Variants in CD300LB observed in about 807,000 individuals in gnomAD.
CD300LB encodes the protein CD300 molecule like family member b, also known as CMRF35-like molecule 7.
A neutral mutation model predicts 20.8 loss-of-function variants in CD300LB; 18 were observed. The ratio of observed to expected loss-of-function variants is 0.87; its 90% CI spans 0.60 to 1.28. The LOEUF (loss-of-function observed/expected upper bound fraction) is 1.28, where lower values mean the gene tolerates loss of function less well. Ranked by LOEUF, CD300LB falls within the 50% of genes most tolerant of loss-of-function variation. The pLI, the probability that CD300LB is intolerant of heterozygous loss-of-function variation, is 0.00. For missense variants in CD300LB, 222 were observed against 251.8 expected (o/e 0.88, Z 0.80); for synonymous variants, 91 against 91.3 (o/e 1.00, Z 0.02).
At chr17:74,527,665 G>C (rs1322242590) in intron 1 of CD300LB, among the ~76,000 whole-genome samples, 2 of 151,382 alleles carry the variant, frequency 1.3e-5, no homozygotes, top group East Asian at 3.9e-4. Flanking sequence ...AGTGAAAGAG[G>C]GTTGAGGGAG....
chr17:74,522,655 G>T lies in CD300LB; in HGVS notation c.*83C>A, dbSNP rs80218968. On this transcript the variant is annotated 3_prime_UTR_variant, in exon 4 of 4. Transcript: ENST00000392621. ...GCCCCTATCTCAGTCACTGCATCCC[G>T]AGGACTCGTAGATGTTCCTTCCACA... The T allele has an allele frequency of 6.4e-7, 1 of 1,574,334 alleles. No homozygotes were observed.
Position 74,522,567 on chromosome 17 carries a change from GTCCCTGAGC to G in CD300LB, c.*162_*170del. 7.0e-7 allele frequency: 1 copy of G among 1,419,000 alleles called. No homozygotes were observed. The highest frequency in any genetic ancestry group is 1.5e-5 in the South Asian group (1 of 66,756). 87.9% of individuals were successfully genotyped at this position (1,419,000 alleles called of 1,614,324 possible). A position where few individuals can be genotyped will look rare whatever the true frequency, so the allele number is the denominator to read the frequency against. On this transcript the variant is annotated 3_prime_UTR_variant, in exon 4 of 4. Coordinates refer to ENST00000392621, the MANE Select transcript of CD300LB (RefSeq NM_174892.4). ...GTGGCTCAGGAGAGGACCTGGCTAAGTCCCTGAGCTGTGCAGAACAGGGAGGTGCCCACC... is the reference window on the plus strand; with the variant it reads ...GTGGCTCAGGAGAGGACCTGGCTAAGTGTGCAGAACAGGGAGGTGCCCACC...
intron 1 of CD300LB, among the ~76,000 whole-genome samples, chr17:74,529,520 G>C (rs751916247): frequency 6.6e-6 from 1 of 152,160 alleles, no homozygotes; most frequent in African/African-American, 2.4e-5. Context: ...GGCCGGGCAC[G>C]GTGGCTCATG....
intron 1 of CD300LB, among the ~76,000 whole-genome samples, chr17:74,527,144 G>A (rs967750909): frequency 6.6e-6 from 1 of 152,192 alleles, no homozygotes; most frequent in Non-Finnish European, 1.5e-5. Context: ...TTCTAGTGGA[G>A]CAATTGGATG....
intron 3 of CD300LB, chr17:74,523,324 T>A: frequency 1.8e-6 from 1 of 563,944 alleles, no homozygotes; most frequent in South Asian, 2.1e-5. Flanking sequence ...AGGCCACCAA[T>A]GCAAGGTTGA....
chr17:74,525,649 C>T, intron 2 of CD300LB, 99 bp downstream of exon 2: 1 of 1,003,114 alleles, frequency 1.0e-6, no homozygotes, highest in Non-Finnish European at 1.5e-6. Context: ...CTTAGGCTCA[C>T]CATCATTCCC....
At chr17:74,530,591 A>ACACACACACACACACC (rs879389543) in intron 1 of CD300LB, among the ~76,000 whole-genome samples, 2 of 146,760 alleles carry the variant, frequency 1.4e-5, no homozygotes, top group African/African-American at 5.2e-5. Flanking sequence ...ACACACACAC[A>ACACACACACACACACC]CCCAACTCTC....
Position 74,525,823 on chromosome 17 carries a change from C to T in CD300LB, c.295G>A (p.Ala99Thr), listed in dbSNP as rs550629775. Residue 99 changes from alanine to threonine, a missense_variant, in exon 2 of 4, where the codon GCA becomes ACA. Ala to Thr is a moderately conservative substitution (Grantham distance 58). Transcript: ENST00000392621. ...VTMEGLRRDD[A>T]DVYWCGIERR... Reference sequence around the variant, plus strand: ...TCAATCCCACACCAGTAAACATCTGCGTCATCTCGCCTGAGCCCCTCCATG... The same window carrying T: ...TCAATCCCACACCAGTAAACATCTGTGTCATCTCGCCTGAGCCCCTCCATG... 316 of 1,614,166 alleles carry T rather than the reference C, an allele frequency of 2.0e-4. 12 individuals carry two copies. In the South Asian group the frequency reaches 3.0e-3, roughly 15 times the overall value.
At chr17:74,523,759 T>G (rs1907953750) in intron 2 of CD300LB, 108 bp from the exon 3 acceptor site, 2 of 739,232 alleles carry the variant, frequency 2.7e-6, no homozygotes, top group East Asian at 5.2e-5. Context: ...CCCTTTTCCC[T>G]GGAGTAGGAG....
chr17:74,524,205 G>A (rs1907965603), intron 2 of CD300LB, among the ~76,000 whole-genome samples: 1 of 152,210 alleles, frequency 6.6e-6, no homozygotes, highest in African/African-American at 2.4e-5. Flanking sequence ...AGTCTGGTCA[G>A]GGGGGCCCTG....
Position 74,526,086 on chromosome 17 carries a change from CAG to C in CD300LB, c.41-11_41-10del. The C allele has an allele frequency of 6.2e-7, 1 of 1,611,366 alleles. No individual in the cohort carries two copies. Among genetic ancestry groups the C allele is most frequent in the Non-Finnish European group, 8.5e-7 (1 of 1,178,038 alleles). On this transcript the variant is annotated splice_polypyrimidine_tract_variant and intron_variant, in intron 1 of 3. Coordinates refer to ENST00000392621, the MANE Select transcript of CD300LB (RefSeq NM_174892.4). ...TTGGATGGAGAAACAGCCTGGAAAACAGAATCCCAAGATACAGCTCATTGCAC... is the reference window on the plus strand; with the variant it reads ...TTGGATGGAGAAACAGCCTGGAAAACAATCCCAAGATACAGCTCATTGCAC...
intron 1 of CD300LB, among the ~76,000 whole-genome samples, chr17:74,529,117 G>A (rs751203978): frequency 6.6e-6 from 1 of 152,158 alleles, no homozygotes; most frequent in Non-Finnish European, 1.5e-5. Flanking sequence ...GGGTGACAGA[G>A]TGAGACACTG....
chr17:74,524,210 G>C (rs550604214), intron 2 of CD300LB, among the ~76,000 whole-genome samples: 1 of 152,318 alleles, frequency 6.6e-6, no homozygotes, highest in African/African-American at 2.4e-5. Context: ...GGTCAGGGGG[G>C]CCCTGAGCCC....
rs762350959 is a variant in CD300LB, at chr17:74,523,614, G to C, written c.408C>G (p.Asn136Lys). 1 of 1,613,730 alleles carries C rather than the reference G, an allele frequency of 6.2e-7. No individual in the cohort carries two copies. The highest frequency in any genetic ancestry group is 8.5e-7 in the Non-Finnish European group (1 of 1,179,616). ...AASTTASSPT[N>K]SNMAVFIGSH... ...AGCCGATGAACACTGCCATATTGCTGTTGGTAGGTGAGCTTGCTGTTGTGG... is the reference window on the plus strand; with the variant it reads ...AGCCGATGAACACTGCCATATTGCTCTTGGTAGGTGAGCTTGCTGTTGTGG... The change falls in exon 3 of 4, where the codon AAC (asparagine) becomes AAG (lysine). Residue 136 changes from asparagine to lysine, a missense_variant. Asn to Lys is a moderately conservative substitution (Grantham distance 94). Transcript: ENST00000392621.
chr17:74,523,159 A>C, intron 3 of CD300LB: 1 of 537,246 alleles, frequency 1.9e-6, no homozygotes, highest in Non-Finnish European at 3.4e-6. Context: ...ATCTCAGCTC[A>C]ACAGAAGCGC....
At chr17:74,523,546 G>C (rs1411423887) in intron 3 of CD300LB, 33 bp downstream of exon 3, 1 of 1,500,348 alleles carries the variant, frequency 6.7e-7, no homozygotes, top group Non-Finnish European at 9.3e-7. Flanking sequence ...AGGGACCCCA[G>C]GTAGGGGCAG....
chr17:74,526,688 AG>A (rs1908046258), intron 1 of CD300LB, among the ~76,000 whole-genome samples: 1 of 152,220 alleles, frequency 6.6e-6, no homozygotes. Context: ...ACTCCAGCCT[AG>A]GCAACAGAGT....
Position 74,521,830 on chromosome 17 carries a change from G to A in CD300LB, c.*908C>T, listed in dbSNP as rs568505601. 3.0e-6 allele frequency: 3 copies of A among 985,508 alleles called. No individual in the cohort carries two copies. The highest frequency in any genetic ancestry group is 2.4e-6 in the Non-Finnish European group (2 of 829,972). The allele number at this position is 985,508 out of a possible 1,614,324, so 61.0% of individuals were successfully genotyped here. The stretch of plus-strand genomic sequence containing the variant: ...ACATTCAAGGGCCTCATCGCCGTGG[G>A]TGAAGCCTGTGAGGAGACAGAACCA... On this transcript the variant is annotated 3_prime_UTR_variant, in exon 4 of 4. Coordinates refer to ENST00000392621, the MANE Select transcript of CD300LB (RefSeq NM_174892.4).
At chr17:74,530,277 T>C (rs1196904897) in intron 1 of CD300LB, among the ~76,000 whole-genome samples, 1 of 152,248 alleles carries the variant, frequency 6.6e-6, no homozygotes, top group Admixed American at 6.5e-5. Context: ...CGTAAAATTC[T>C]AGATTGTCCC....
Sources: allele counts gnomAD v4.1 joint callset (sites outside exome capture counted in the v4.1 genomes callset), GRCh38; gene constraint gnomAD v4.1.1; transcripts MANE v1.5; gene names NCBI Gene and HGNC (gene_info 2026-07-23, HGNC 2026-07-21).